Variants in RAMP1 observed in about 807,000 individuals in gnomAD.
The protein encoded by RAMP1 is receptor activity modifying protein 1.
In RAMP1, 7 loss-of-function variants were observed where a neutral mutation model predicts 8.2. The ratio of observed to expected loss-of-function variants is 0.85; its 90% CI spans 0.49 to 1.60. The LOEUF (loss-of-function observed/expected upper bound fraction) is 1.60. Ranked by LOEUF, RAMP1 falls within the 40% of genes most tolerant of loss-of-function variation. The probability of loss-of-function intolerance (pLI) is 0.00; values close to 1 mark genes in which losing one functional copy is unlikely to be tolerated. For missense variants in RAMP1, 192 were observed against 202.4 expected, an observed-to-expected ratio of 0.95 and a Z score of 0.31; for synonymous variants, 92 against 84.7, an observed-to-expected ratio of 1.09 and a Z score of -0.47.
chr2:237,873,891 G>A (rs776688457), intron 1 of RAMP1, among the ~76,000 whole-genome samples: 3 of 152,212 alleles, frequency 2.0e-5, no homozygotes, highest in Non-Finnish European at 2.9e-5. Flanking sequence ...AGATTTGCCT[G>A]AACAGCTGCC....
At position 237,880,098 on chromosome 2, in the gene RAMP1, C is replaced by G. The variant is rs1188120310; in HGVS notation, c.191+2736C>G. 3.3e-5 allele frequency among the ~76,000 whole-genome samples: 5 copies of G among 152,072 alleles called. No homozygotes were observed. In the East Asian group the frequency reaches 9.7e-4, roughly 29 times the overall value. ...GCCCAGGCCTGCCAGCCCCTGGGGTCTGCGTTTGGCAGAATGATGCCCCCC... is the reference window on the plus strand; with the variant it reads ...GCCCAGGCCTGCCAGCCCCTGGGGTGTGCGTTTGGCAGAATGATGCCCCCC... On this transcript the variant is annotated intron_variant, in intron 2 of 2. Coordinates refer to ENST00000254661, the MANE Select transcript of RAMP1 (RefSeq NM_005855.4).
chr2:237,864,869 C>T (rs1057346877), intron 1 of RAMP1, among the ~76,000 whole-genome samples: 2 of 147,746 alleles, frequency 1.4e-5, no homozygotes, highest in Middle Eastern at 3.2e-3. Context: ...AGGGCAAGGA[C>T]GGTTGTGCAA....
intron 1 of RAMP1, among the ~76,000 whole-genome samples, chr2:237,868,046 C>CT (rs796880429): frequency 0.019 from 2,575 of 137,086 alleles, 69 homozygotes; most frequent in African/African-American, 0.057. Context: ...GGTTTTCTGT[C>CT]TTTTTTTTTT....
chr2:237,869,319 T>C (rs183823188), intron 1 of RAMP1, among the ~76,000 whole-genome samples: 292 of 152,360 alleles, frequency 1.9e-3, no homozygotes, highest in African/African-American at 6.1e-3. Flanking sequence ...TACCTATTTT[T>C]AAGTGTACAG....
At chr2:237,892,509 G>C (rs1277370527) in intron 2 of RAMP1, among the ~76,000 whole-genome samples, 1 of 151,904 alleles carries the variant, frequency 6.6e-6, no homozygotes, top group African/African-American at 2.4e-5. Flanking sequence ...ATCCTCCCAT[G>C]TTGGCCTCTC....
In RAMP1 at chr2:237,859,623, A is replaced by C; in HGVS notation, c.-53A>C. The C allele has an allele frequency of 7.7e-7, 1 of 1,290,862 alleles. No individual in the cohort carries two copies. Among genetic ancestry groups the C allele is most frequent in the East Asian group, 3.3e-5 (1 of 30,302 alleles). The allele number at this position is 1,290,862 out of a possible 1,614,324, so 80.0% of individuals were successfully genotyped here. A position where few individuals can be genotyped will look rare whatever the true frequency, so the allele number is the denominator to read the frequency against. Reference sequence around the variant, plus strand: ...TCCGGGCCCGCGCCGCGGCGGGCTCAGTCCTCAGCGGGGCGCGTGGCGAGC... The same window carrying C: ...TCCGGGCCCGCGCCGCGGCGGGCTCCGTCCTCAGCGGGGCGCGTGGCGAGC... On this transcript the variant is annotated 5_prime_UTR_variant, in exon 1 of 3. Coordinates refer to ENST00000254661, the MANE Select transcript of RAMP1 (RefSeq NM_005855.4).
intron 2 of RAMP1, among the ~76,000 whole-genome samples, chr2:237,892,045 A>G (rs1240926212): frequency 6.6e-6 from 1 of 151,936 alleles, no homozygotes; most frequent in Non-Finnish European, 1.5e-5. Context: ...TTTACTGGTA[A>G]CTCTTTTTAG....
chr2:237,877,338 G>GGT lies in RAMP1; in HGVS notation c.171_172dup (p.Asp58ValfsTer73). On this transcript the variant is annotated frameshift_variant, in exon 2 of 3. Transcript: ENST00000254661. LOFTEE classifies it low-confidence loss of function (END_TRUNC). This position sits in a 1 kb window ranked among gnomAD's most constrained non-coding sequence, Gnocchi z 4.4. The stretch of plus-strand genomic sequence containing the variant: ...ATGGAGGCCGTCGGGGAGACGCTGT[G>GGT]GTGTGACTGGGGCAGGACCATCAGG... 3.1e-6 allele frequency: 5 copies of GGT among 1,613,604 alleles called. No individual in the cohort carries two copies. Among genetic ancestry groups the GGT allele is most frequent in the Non-Finnish European group, 4.2e-6 (5 of 1,179,802 alleles).
In RAMP1 at chr2:237,872,431, C is replaced by T. The variant is rs142787041; in HGVS notation, c.53-4793C>T. Among the ~76,000 whole-genome samples the T allele has an allele frequency of 3.2e-3, 493 of 152,276 alleles. 4 individuals carry two copies. Among genetic ancestry groups the T allele is most frequent in the African/African-American group, 0.011 (466 of 41,556 alleles). On this transcript the variant is annotated intron_variant, in intron 1 of 2. Transcript: ENST00000254661. ...CTCACGCGTGCCCAGTGAGAGCCCC[C>T]GAAGCCTCTCCTGGGAAGCCTGAGG...
intron 2 of RAMP1, among the ~76,000 whole-genome samples, chr2:237,897,199 A>C (rs971280449): frequency 1.3e-5 from 2 of 152,194 alleles, no homozygotes; most frequent in Non-Finnish European, 2.9e-5. Flanking sequence ...GGAATGGGAG[A>C]ACCAGCTTCA....
chr2:237,886,347 G>A (rs2062432898), intron 2 of RAMP1, among the ~76,000 whole-genome samples: 1 of 152,216 alleles, frequency 6.6e-6, no homozygotes, highest in Non-Finnish European at 1.5e-5. Context: ...GCCGCCCCTG[G>A]AATGTGTTCA....
At chr2:237,896,161 G>T (rs2062540386) in intron 2 of RAMP1, among the ~76,000 whole-genome samples, 1 of 152,236 alleles carries the variant, frequency 6.6e-6, no homozygotes, top group African/African-American at 2.4e-5. Context: ...CTTTGCCTGG[G>T]ACACCCACTG....
intron 2 of RAMP1, among the ~76,000 whole-genome samples, chr2:237,895,962 T>C (rs2062538570): frequency 6.6e-6 from 1 of 152,146 alleles, no homozygotes; most frequent in African/African-American, 2.4e-5. Flanking sequence ...CACACACAGC[T>C]GGGCAGCTAG....
intron 2 of RAMP1, among the ~76,000 whole-genome samples, chr2:237,905,520 C>G (rs1361752528): frequency 6.6e-6 from 1 of 152,202 alleles, no homozygotes; most frequent in Non-Finnish European, 1.5e-5. Flanking sequence ...GGCGTGGCTT[C>G]CTGCATCCGC....
At chr2:237,868,882 A>G (rs190167329) in intron 1 of RAMP1, among the ~76,000 whole-genome samples, 1 of 152,242 alleles carries the variant, frequency 6.6e-6, no homozygotes, top group Non-Finnish European at 1.5e-5. Context: ...ACTCATTGCT[A>G]GTTTTATTGC....
At chr2:237,911,416 C>T (rs1046739603) in intron 2 of RAMP1, 112 bp from the exon 3 acceptor site, 51 of 1,445,452 alleles carry the variant, frequency 3.5e-5, no homozygotes, top group African/African-American at 7.0e-5. Context: ...GGGGCTTCTC[C>T]GAGCCAAGCT....
chr2:237,861,443 G>C (rs1404226916), intron 1 of RAMP1, among the ~76,000 whole-genome samples: 2 of 152,188 alleles, frequency 1.3e-5, no homozygotes, highest in Admixed American at 6.5e-5. Context: ...TGAAGATTTT[G>C]CTACCAAGAA....
At chr2:237,904,257 C>CAA (rs111978335) in intron 2 of RAMP1, among the ~76,000 whole-genome samples, 123 of 145,582 alleles carry the variant, frequency 8.4e-4, no homozygotes, top group East Asian at 5.1e-3. Flanking sequence ...ACTAAAAATA[C>CAA]AAAAAAAAAA....
intron 2 of RAMP1, among the ~76,000 whole-genome samples, chr2:237,879,955 A>T (rs1180729195): frequency 7.1e-6 from 1 of 140,686 alleles, no homozygotes; most frequent in Admixed American, 7.4e-5. Flanking sequence ...GCGCCACTGC[A>T]CTCCAGCCTG....
Sources: gnomAD v4.1 joint callset for allele counts (sites outside exome capture counted in the v4.1 genomes callset) on GRCh38, gnomAD v4.1.1 for gene constraint, Gnocchi (gnomAD v3.1) non-coding constraint, MANE v1.5 for transcripts, NCBI Gene and HGNC (gene_info 2026-07-23, HGNC 2026-07-21) for gene names.